The following DIP2C variants were observed in gnomAD, a reference collection of about 807,000 sequenced individuals.
DIP2C encodes the protein DIP2 acetate--CoA ligase C (putative).
A neutral mutation model predicts 192.4 loss-of-function variants in DIP2C; 33 were observed. That is an observed-to-expected ratio of 0.17 (90% CI 0.13 to 0.23). DIP2C has a LOEUF of 0.23. Among genes scored for constraint, DIP2C ranks in the 10% least tolerant of loss-of-function variants. DIP2C has a pLI of 1.00. For missense variants in DIP2C, 1,537 were observed against 2,110.1 expected, an observed-to-expected ratio of 0.73 and a Z score of 5.32; for synonymous variants, 979 against 864.1, an observed-to-expected ratio of 1.13 and a Z score of -2.33.
intron 18 of DIP2C, among the ~76,000 whole-genome samples, chr10:367,285 C>T (rs568889546): frequency 3.3e-5 from 5 of 152,002 alleles, no homozygotes; most frequent in East Asian, 1.9e-4. Context: ...GGCGCAGTGG[C>T]GGGCGCCTGT....
chr10:443,082 T>G (rs1294418467), intron 3 of DIP2C, among the ~76,000 whole-genome samples: 1 of 152,210 alleles, frequency 6.6e-6, no homozygotes, highest in East Asian at 1.9e-4. Context: ...TGTGGCAATG[T>G]TAATGTCGGC....
intron 31 of DIP2C, among the ~76,000 whole-genome samples, chr10:314,885 G>A (rs1391660807): frequency 6.6e-6 from 1 of 152,214 alleles, no homozygotes; most frequent in Non-Finnish European, 1.5e-5. Flanking sequence ...GTTCAACACA[G>A]AAGTTTTGGA....
chr10:365,711 T>C (rs1427447077), intron 19 of DIP2C, among the ~76,000 whole-genome samples: 10 of 152,244 alleles, frequency 6.6e-5, no homozygotes, highest in African/African-American at 2.4e-4. Context: ...ACACAGCACA[T>C]CTGTGCACAC....
At chr10:524,207 G>A in intron 1 of DIP2C, among the ~76,000 whole-genome samples, 1 of 152,192 alleles carries the variant, frequency 6.6e-6, no homozygotes, top group Non-Finnish European at 1.5e-5. Flanking sequence ...TGGAGCTCCA[G>A]GCAATCCTGG....
intron 24 of DIP2C, among the ~76,000 whole-genome samples, chr10:354,861 C>T (rs562423872): frequency 3.3e-5 from 5 of 151,648 alleles, no homozygotes; most frequent in South Asian, 2.1e-4. Context: ...GAAAGAGGAA[C>T]GAGAAGTCAC....
At chr10:649,152 G>A (rs1315782056) in intron 1 of DIP2C, among the ~76,000 whole-genome samples, 1 of 150,290 alleles carries the variant, frequency 6.7e-6, no homozygotes, top group African/African-American at 2.4e-5. Flanking sequence ...CACAGTGGAC[G>A]GTGGGCGAGA....
chr10:377,852 T>C (rs1440084949), intron 17 of DIP2C, among the ~76,000 whole-genome samples: 1 of 152,254 alleles, frequency 6.6e-6, no homozygotes, highest in African/African-American at 2.4e-5. Context: ...AATTATTGTT[T>C]CATTGTTTTA....
chr10:526,972 G>A (rs980120846), intron 1 of DIP2C, among the ~76,000 whole-genome samples: 4 of 152,248 alleles, frequency 2.6e-5, no homozygotes, highest in Non-Finnish European at 2.9e-5. Context: ...ACACACTTGC[G>A]ACACCTATAG....
chr10:581,721 T>C (rs982614042), intron 1 of DIP2C, among the ~76,000 whole-genome samples: 1 of 152,060 alleles, frequency 6.6e-6, no homozygotes, highest in Non-Finnish European at 1.5e-5. Context: ...GGTTGTCAGG[T>C]TCTGGGTCAG....
intron 3 of DIP2C, among the ~76,000 whole-genome samples, chr10:468,837 A>T (rs77833044): frequency 5.4e-4 from 83 of 152,382 alleles, no homozygotes; most frequent in African/African-American, 2.0e-3. Context: ...TCCATGGAGT[A>T]ATAGTGCTTT....
At chr10:596,921 G>A (rs1195620756) in intron 1 of DIP2C, among the ~76,000 whole-genome samples, 2 of 152,270 alleles carry the variant, frequency 1.3e-5, no homozygotes, top group Non-Finnish European at 1.5e-5. Flanking sequence ...ACGCGAACAT[G>A]CAGACATGAG....
chr10:551,374 G>A (rs928441524), intron 1 of DIP2C, among the ~76,000 whole-genome samples: 6 of 152,190 alleles, frequency 3.9e-5, no homozygotes, highest in South Asian at 2.1e-4. Flanking sequence ...CAAAGGCCAC[G>A]TCCCGCTTAC....
At chr10:614,816 C>T (rs564862413) in intron 1 of DIP2C, among the ~76,000 whole-genome samples, 16 of 152,352 alleles carry the variant, frequency 1.1e-4, no homozygotes, top group African/African-American at 3.8e-4. Context: ...AGGCCCAGAG[C>T]CTCTCTGCAT....
rs140202895 is a variant in DIP2C at position 380,963 on chromosome 10, G to C, written c.1991+1684C>G. 6.1e-3 allele frequency among the ~76,000 whole-genome samples: 925 copies of C among 152,296 alleles called. 4 individuals are homozygous for C. The highest frequency in any genetic ancestry group is 0.014 in the Middle Eastern group (4 of 294). ...ACACAACTGAAACCCCCGCACAGAG[G>C]GAAGTTTCCCTTCTGTTCACACATT... On this transcript the variant is annotated intron_variant, in intron 17 of 36. Coordinates refer to ENST00000280886, the MANE Select transcript of DIP2C (RefSeq NM_014974.3).
chr10:593,197 TCCATCCCTG>T (rs1163370494), intron 1 of DIP2C, among the ~76,000 whole-genome samples: 2 of 152,048 alleles, frequency 1.3e-5, no homozygotes, highest in East Asian at 3.9e-4. Flanking sequence ...TCACTGGGTT[TCCATCCCTG>T]CCTCATTCAA....
chr10:452,592 A>AGC (rs1366821222), intron 3 of DIP2C, among the ~76,000 whole-genome samples: 4 of 152,242 alleles, frequency 2.6e-5, no homozygotes, highest in African/African-American at 9.6e-5. Context: ...TTAAATGGAC[A>AGC]GCGCTTTGTC....
chr10:306,579 C>T (rs2132299719), intron 32 of DIP2C, among the ~76,000 whole-genome samples: 1 of 152,296 alleles, frequency 6.6e-6, no homozygotes, highest in East Asian at 1.9e-4. Context: ...TAATGCAGAT[C>T]AAGTGAGAAA....
intron 1 of DIP2C, among the ~76,000 whole-genome samples, chr10:661,319 C>T (rs915105400): frequency 1.3e-5 from 2 of 152,198 alleles, no homozygotes; most frequent in African/African-American, 4.8e-5. Flanking sequence ...CTTCCTGGCT[C>T]CCTCCTCCAC....
chr10:424,355 GTTTTTTTTTTTTTT>G (rs557255878), intron 4 of DIP2C, among the ~76,000 whole-genome samples: 3 of 83,108 alleles, frequency 3.6e-5, no homozygotes, highest in Admixed American at 1.6e-4. Flanking sequence ...ATCACCTTGG[GTTTTTTTTTTTTTT>G]TTTTTTTTTT....
Sources: gnomAD v4.1 joint callset for allele counts (sites outside exome capture counted in the v4.1 genomes callset) on GRCh38, gnomAD v4.1.1 for gene constraint, MANE v1.5 for transcripts, NCBI Gene and HGNC (gene_info 2026-07-23, HGNC 2026-07-21) for gene names.